Variants in MTDH observed in about 807,000 individuals in gnomAD.
MTDH encodes the protein protein LYRIC.
MTDH carries 34 observed loss-of-function variants against 72.7 expected under a neutral mutation model. The ratio of observed to expected loss-of-function variants is 0.47; its 90% CI spans 0.36 to 0.62. The LOEUF is 0.62. MTDH is among the 20% of genes least tolerant of loss of function. The pLI is 0.00. For synonymous variants in MTDH, 266 were observed against 268.9 expected (o/e 0.99, Z 0.10); for missense variants, 677 against 699.4 (o/e 0.97, Z 0.36).
chr8:97,685,697 T>TA (rs1813331826), intron 2 of MTDH, among the ~76,000 whole-genome samples: 1 of 151,228 alleles, frequency 6.6e-6, no homozygotes, highest in African/African-American at 2.4e-5. Context: ...GAGGTGGAAG[T>TA]TACAGTGAGC....
chr8:97,708,429 G>A (rs1180065398), intron 8 of MTDH, among the ~76,000 whole-genome samples: 4 of 142,310 alleles, frequency 2.8e-5, no homozygotes, highest in East Asian at 4.1e-4. Context: ...TTACAGGCAC[G>A]CATCACCATG....
At chr8:97,687,880 C>T (rs1383163049) in intron 4 of MTDH, among the ~76,000 whole-genome samples, 2 of 152,120 alleles carry the variant, frequency 1.3e-5, no homozygotes, top group African/African-American at 2.4e-5. Flanking sequence ...TTTTCTAGTG[C>T]GTATCACTTT....
chr8:97,668,160 G>A (rs918214706), intron 2 of MTDH, among the ~76,000 whole-genome samples: 4 of 152,010 alleles, frequency 2.6e-5, no homozygotes, highest in South Asian at 2.1e-4. Flanking sequence ...GGTGGCAGGC[G>A]TCTGTAATCC....
intron 7 of MTDH, among the ~76,000 whole-genome samples, chr8:97,701,347 C>G (rs1349330369): frequency 6.6e-6 from 1 of 152,040 alleles, no homozygotes; most frequent in Non-Finnish European, 1.5e-5. Flanking sequence ...TTTAAATTAT[C>G]TCTTGATTAC....
In MTDH at chr8:97,725,768, T is replaced by A. The variant is rs1400297053; in HGVS notation, c.*1098T>A. ...AATAAGGAACGTTTCCTGCTTGAAA[T>A]TATATTGATTTAAATGATGTGTGAG... On this transcript the variant is annotated 3_prime_UTR_variant, in exon 12 of 12. Transcript: ENST00000336273. The A allele has an allele frequency of 6.6e-6, 1 of 152,582 alleles. No homozygotes were observed. The highest frequency in any genetic ancestry group is 1.5e-5 in the Non-Finnish European group (1 of 68,030). 9.5% of individuals were successfully genotyped at this position (152,582 alleles called of 1,614,324 possible).
chr8:97,713,598 A>G, intron 8 of MTDH, 64 bp from the exon 9 acceptor site: 1 of 907,632 alleles, frequency 1.1e-6, no homozygotes, highest in Non-Finnish European at 1.7e-6. Flanking sequence ...ATTTCATAAT[A>G]ATTTTCTAAA....
rs189829502 is a variant in MTDH, at chr8:97,650,061, G to A, written c.381+5174G>A. On this transcript the variant is annotated intron_variant, in intron 1 of 11. Coordinates refer to ENST00000336273, the MANE Select transcript of MTDH (RefSeq NM_178812.4). ...AACTCCACCTCCCGGGTTCACGCACGTTCTCCTGCCTCAGCCTCCTGAGTA... is the reference window on the plus strand; with the variant it reads ...AACTCCACCTCCCGGGTTCACGCACATTCTCCTGCCTCAGCCTCCTGAGTA... Among the ~76,000 whole-genome samples, 785 of 151,908 alleles carry A rather than the reference G, an allele frequency of 5.2e-3. 4 individuals are homozygous for A. The highest frequency in any genetic ancestry group is 0.018 in the African/African-American group (747 of 41,420).
rs1373511979 is a variant in MTDH, at chr8:97,725,246, A to T, written c.*576A>T. Reference sequence around the variant, plus strand: ...TGTCATGGTTTAGTTTACAATTTTTAAAAAGTTCTTAAAATACTGAAAATG... The same window carrying T: ...TGTCATGGTTTAGTTTACAATTTTTTAAAAGTTCTTAAAATACTGAAAATG... On this transcript the variant is annotated 3_prime_UTR_variant, in exon 12 of 12. Coordinates refer to ENST00000336273, the MANE Select transcript of MTDH (RefSeq NM_178812.4). 1 of 152,664 alleles carries T rather than the reference A, an allele frequency of 6.6e-6. No homozygotes were observed. Among genetic ancestry groups the T allele is most frequent in the East Asian group, 1.9e-4 (1 of 5,202 alleles). 9.5% of individuals were successfully genotyped at this position (152,664 alleles called of 1,614,324 possible).
At position 97,644,875 on chromosome 8, in the gene MTDH, C is replaced by T. The variant is rs557335544; in HGVS notation, c.369C>T (p.Ser123=). 2.6e-6 allele frequency: 4 copies of T among 1,562,434 alleles called. No homozygotes were observed. Among genetic ancestry groups the T allele is most frequent in the Admixed American group, 4.2e-5 (2 of 47,714 alleles). ...EQKKKNRKKL[S]EKPKPNGRTV... ...AGAAGAAGAACCGGAAGAAACTGTC[C>T]GAGAAGCCCAAAGTGAGTATGGGAT... Residue 123 remains serine, a synonymous_variant, in exon 1 of 12, where the codon TCC becomes TCT. Transcript: ENST00000336273.
chr8:97,659,660 G>A (rs777073847), intron 1 of MTDH, among the ~76,000 whole-genome samples: 15 of 152,168 alleles, frequency 9.9e-5, no homozygotes, highest in Non-Finnish European at 1.8e-4. Context: ...GTAATGACTA[G>A]GTAGCTGATA....
chr8:97,672,751 T>G (rs1197045627), intron 2 of MTDH, among the ~76,000 whole-genome samples: 1 of 152,208 alleles, frequency 6.6e-6, no homozygotes, highest in East Asian at 1.9e-4. Flanking sequence ...GATCTCATAC[T>G]GAAATTAATT....
chr8:97,651,767 T>A (rs1413176913), intron 1 of MTDH, among the ~76,000 whole-genome samples: 2 of 152,250 alleles, frequency 1.3e-5, no homozygotes, highest in Non-Finnish European at 2.9e-5. Context: ...GCTTGATTTC[T>A]CTGATTGGGA....
intron 2 of MTDH, among the ~76,000 whole-genome samples, chr8:97,680,393 A>G (rs1813023119): frequency 6.6e-6 from 1 of 152,180 alleles, no homozygotes; most frequent in Admixed American, 6.5e-5. Context: ...ATTTAAAAGA[A>G]TGGAGCCATT....
chr8:97,646,127 G>T (rs1811554199), intron 1 of MTDH, among the ~76,000 whole-genome samples: 2 of 152,196 alleles, frequency 1.3e-5, no homozygotes, highest in South Asian at 4.1e-4. Context: ...AGGGCTTTAG[G>T]AAAGTTGTTG....
chr8:97,703,697 G>T (rs770285781), intron 7 of MTDH, among the ~76,000 whole-genome samples: 1 of 152,142 alleles, frequency 6.6e-6, no homozygotes, highest in Non-Finnish European at 1.5e-5. Flanking sequence ...TACATATGAA[G>T]TATATCTTAA....
chr8:97,709,967 T>C (rs1448107259), intron 8 of MTDH, among the ~76,000 whole-genome samples: 3 of 152,202 alleles, frequency 2.0e-5, no homozygotes, highest in African/African-American at 4.8e-5. Context: ...TCTTGTATGA[T>C]TGGATTATAA....
chr8:97,686,101 A>G (rs1010878063), intron 2 of MTDH, among the ~76,000 whole-genome samples: 2 of 152,204 alleles, frequency 1.3e-5, no homozygotes, highest in Non-Finnish European at 2.9e-5. Flanking sequence ...GCTATGTACA[A>G]TTGACTCATT....
intron 9 of MTDH, among the ~76,000 whole-genome samples, chr8:97,715,444 A>G (rs908078616): frequency 2.0e-5 from 3 of 152,156 alleles, no homozygotes; most frequent in African/African-American, 7.2e-5. Flanking sequence ...CTGTTTTTGA[A>G]AGAAGTTTCT....
At chr8:97,708,560 G>T (rs1352944899) in intron 8 of MTDH, among the ~76,000 whole-genome samples, 12 of 114,330 alleles carry the variant, frequency 1.0e-4, no homozygotes, top group African/African-American at 4.7e-4. Flanking sequence ...GGGATTACAG[G>T]CATGAGCCAC....
Sources: gnomAD v4.1 joint callset for allele counts (sites outside exome capture counted in the v4.1 genomes callset) on GRCh38, gnomAD v4.1.1 for gene constraint, MANE v1.5 for transcripts, NCBI Gene and HGNC (gene_info 2026-07-23, HGNC 2026-07-21) for gene names.